LSM2: variants seen among roughly 807,000 people sequenced by gnomAD.
LSM2 encodes the protein U6 snRNA-associated Sm-like protein LSm2.
LSM2 carries 12 observed loss-of-function variants against 17.0 expected under a neutral mutation model. The ratio of observed to expected loss-of-function variants is 0.70; its 90% CI spans 0.45 to 1.14. The LOEUF is 1.14. LSM2 is among the 50% of genes most tolerant of loss of function. The pLI is 0.00. For synonymous variants in LSM2, 42 were observed against 44.5 expected, an observed-to-expected ratio of 0.94 and a Z score of 0.22; for missense variants, 62 against 111.8, an observed-to-expected ratio of 0.55 and a Z score of 2.01.
chr6:31,800,573 C>T (rs895931289), intron 2 of LSM2, among the ~76,000 whole-genome samples: 1 of 151,764 alleles, frequency 6.6e-6, no homozygotes, highest in Non-Finnish European at 1.5e-5. Flanking sequence ...GCCAACACGG[C>T]GAATCCCCAT....
At position 31,797,500 on chromosome 6, in the gene LSM2, GAGA is replaced by G. The variant is rs1258706077; in HGVS notation, c.*254_*256del. 41 of 502,952 alleles carry G rather than the reference GAGA, an allele frequency of 8.2e-5. No individual in the cohort carries two copies. Among genetic ancestry groups the G allele is most frequent in the Admixed American group, 1.7e-4 (5 of 29,276 alleles). The allele number at this position is 502,952 out of a possible 1,614,324, so 31.2% of individuals were successfully genotyped here. On this transcript the variant is annotated 3_prime_UTR_variant, in exon 5 of 5. Coordinates refer to ENST00000375661, the MANE Select transcript of LSM2 (RefSeq NM_021177.5). ...CTAGGAAACTCTCCTACCATCTCCA[GAGA>G]AGTAGTGAGAAAGGCAGGTGCTGGG...
intron 1 of LSM2, 195 bp downstream of exon 1, chr6:31,806,559 GT>G (rs1815049378): frequency 2.5e-6 from 2 of 790,400 alleles, no homozygotes; most frequent in African/African-American, 1.7e-5. Flanking sequence ...CAGGGTTGGG[GT>G]TTTTTCCCTC....
In LSM2 at chr6:31,803,826, C is replaced by T. The variant is rs141619096; in HGVS notation, c.71+2249G>A. On this transcript the variant is annotated intron_variant, in intron 2 of 4. Transcript: ENST00000375661. Reference sequence around the variant, plus strand: ...AAACTCGTGACCTCAGGCATCCACCCGCCTCGACTTCCCAAAGTGCTGGGA... The same window carrying T: ...AAACTCGTGACCTCAGGCATCCACCTGCCTCGACTTCCCAAAGTGCTGGGA... Among the ~76,000 whole-genome samples the T allele has an allele frequency of 3.2e-3, 484 of 152,138 alleles. 3 individuals are homozygous for T. Among genetic ancestry groups the T allele is most frequent in the African/African-American group, 9.7e-3 (404 of 41,532 alleles).
chr6:31,798,115 CTT>C (rs1814492250), intron 3 of LSM2, 66 bp from the exon 4 acceptor site: 4 of 1,365,696 alleles, frequency 2.9e-6, no homozygotes, highest in Non-Finnish European at 1.9e-6. Context: ...GAGTTTTGCT[CTT>C]GTTGCCCAGG....
Position 31,802,560 on chromosome 6 carries a change from G to A in LSM2, c.71+3515C>T, listed in dbSNP as rs1442360149. 6.7e-5 allele frequency among the ~76,000 whole-genome samples: 10 copies of A among 149,248 alleles called. No homozygotes were observed. In the East Asian group the frequency reaches 1.4e-3, roughly 21 times the overall value. ...CAGCACCACTGCACTCCAGCCTGGC[G>A]TAGACTCGACCAGAGCGAGACTCGT... On this transcript the variant is annotated intron_variant, in intron 2 of 4. Coordinates refer to ENST00000375661, the MANE Select transcript of LSM2 (RefSeq NM_021177.5).
At chr6:31,800,752 T>A (rs1039437612) in intron 2 of LSM2, among the ~76,000 whole-genome samples, 3 of 152,052 alleles carry the variant, frequency 2.0e-5, no homozygotes, top group African/African-American at 7.2e-5. Flanking sequence ...CCGGGCATGG[T>A]GGCGGGCACC....
At chr6:31,799,921 T>C (rs1373115817) in intron 2 of LSM2, among the ~76,000 whole-genome samples, 2 of 152,144 alleles carry the variant, frequency 1.3e-5, no homozygotes, top group Admixed American at 1.3e-4. Flanking sequence ...TGGCTGGGAA[T>C]GGTTGTTCAC....
At position 31,797,601 on chromosome 6, in the gene LSM2, A is replaced by T; in HGVS notation, c.*156T>A. On this transcript the variant is annotated 3_prime_UTR_variant, in exon 5 of 5. Coordinates refer to ENST00000375661, the MANE Select transcript of LSM2 (RefSeq NM_021177.5). ...CAAGAGAGGATAGCTGTTCCCTATT[A>T]CTCCTCTCATCCACTCATCCCTTAA... 1.9e-6 allele frequency: 2 copies of T among 1,036,590 alleles called. No individual in the cohort carries two copies. The highest frequency in any genetic ancestry group is 1.5e-5 in the South Asian group (1 of 65,474). The allele number at this position is 1,036,590 out of a possible 1,614,324, so 64.2% of individuals were successfully genotyped here.
Position 31,806,775 on chromosome 6 carries a change from C to T in LSM2, c.-18G>A. The T allele has an allele frequency of 6.2e-7, 1 of 1,609,096 alleles. No individual in the cohort carries two copies. Among genetic ancestry groups the T allele is most frequent in the Non-Finnish European group, 8.5e-7 (1 of 1,178,544 alleles). ...CCCACCATGGTGCTGGCGCCGCGGGCAGCGGGCCGGACCGGGAAGACAGCA... is the reference window on the plus strand; with the variant it reads ...CCCACCATGGTGCTGGCGCCGCGGGTAGCGGGCCGGACCGGGAAGACAGCA... On this transcript the variant is annotated 5_prime_UTR_variant, in exon 1 of 5. Coordinates refer to ENST00000375661, the MANE Select transcript of LSM2 (RefSeq NM_021177.5).
rs1480928110 is a variant in LSM2, at chr6:31,806,965, A to C, written c.-208T>G. On this transcript the variant is annotated 5_prime_UTR_variant, in exon 1 of 5. Transcript: ENST00000375661. ...GCGCAAGCTGGGTAGAGTAGAGGGG[A>C]GGAGGAAGCCGGGAAAGGGGCGGGG... 3.4e-6 allele frequency: 2 copies of C among 590,378 alleles called. No individual in the cohort carries two copies. The highest frequency in any genetic ancestry group is 5.7e-6 in the Non-Finnish European group (2 of 348,638). 36.6% of individuals were successfully genotyped at this position (590,378 alleles called of 1,614,324 possible). A position where few individuals can be genotyped will look rare whatever the true frequency, so the allele number is the denominator to read the frequency against.
At chr6:31,801,170 C>CAAAAAA (rs9281582) in intron 2 of LSM2, among the ~76,000 whole-genome samples, 3 of 53,308 alleles carry the variant, frequency 5.6e-5, no homozygotes, top group Non-Finnish European at 1.2e-4. Flanking sequence ...GGATCTGTCT[C>CAAAAAA]AAAAAAAAAA....
At chr6:31,797,942 G>A (rs1174152144) in intron 4 of LSM2, 48 bp downstream of exon 4, 6 of 1,612,046 alleles carry the variant, frequency 3.7e-6, no homozygotes, top group Non-Finnish European at 5.1e-6. Flanking sequence ...CCACCCAGGG[G>A]CCTCCTGCTT....
chr6:31,798,104 A>G, intron 3 of LSM2, 55 bp from the exon 4 acceptor site: 2 of 1,402,450 alleles, frequency 1.4e-6, no homozygotes, highest in South Asian at 1.5e-5. Context: ...TTTTGAGACA[A>G]GAGTTTTGCT....
At position 31,797,808 on chromosome 6, in the gene LSM2, T is replaced by C. The variant is rs749224140; in HGVS notation, c.237A>G (p.Thr79=). 6.8e-6 allele frequency: 11 copies of C among 1,612,932 alleles called. No homozygotes were observed. The highest frequency in any genetic ancestry group is 8.5e-7 in the Non-Finnish European group (1 of 1,180,040). Residue 79 remains threonine (T), a synonymous_variant, in exon 5 of 5, where the codon ACA becomes ACG. Transcript: ENST00000375661. ...YVQLPADEVD[T]QLLQDAARKE... ...TCCTTGCCGCATCCTGTAGCAACTG[T>C]GTGTCGACCTCATCTGCTGGCAGCT...
chr6:31,802,548 C>G (rs1413459349), intron 2 of LSM2, among the ~76,000 whole-genome samples: 3 of 151,494 alleles, frequency 2.0e-5, no homozygotes, highest in African/African-American at 4.9e-5. Context: ...CACCACTGCA[C>G]TCCAGCCTGG....
chr6:31,806,920 G>T lies in LSM2; in HGVS notation c.-163C>A, dbSNP rs905766754. ...CTCCAAGCGCTGACGGGCAAAGCGCGGCCGACTTGCGGCTGGGGAGCGCAA... is the reference window on the plus strand; with the variant it reads ...CTCCAAGCGCTGACGGGCAAAGCGCTGCCGACTTGCGGCTGGGGAGCGCAA... On this transcript the variant is annotated 5_prime_UTR_variant, in exon 1 of 5. Coordinates refer to ENST00000375661, the MANE Select transcript of LSM2 (RefSeq NM_021177.5). The T allele has an allele frequency of 6.3e-6, 6 of 949,482 alleles. No individual in the cohort carries two copies. Among genetic ancestry groups the T allele is most frequent in the East Asian group, 2.9e-5 (1 of 34,724 alleles). The allele number at this position is 949,482 out of a possible 1,614,324, so 58.8% of individuals were successfully genotyped here. A position where few individuals can be genotyped will look rare whatever the true frequency, so the allele number is the denominator to read the frequency against.
chr6:31,802,162 C>G (rs949271454), intron 2 of LSM2, among the ~76,000 whole-genome samples: 3 of 151,890 alleles, frequency 2.0e-5, no homozygotes, highest in African/African-American at 7.3e-5. Flanking sequence ...CACTTGTAAT[C>G]CCAGCTACTT....
chr6:31,802,637 G>T (rs2151448677), intron 2 of LSM2, among the ~76,000 whole-genome samples: 1 of 151,882 alleles, frequency 6.6e-6, no homozygotes, highest in Admixed American at 6.6e-5. Context: ...CTACGGCCGG[G>T]TGCAGTGGCT....
chr6:31,803,060 T>C (rs1814811129), intron 2 of LSM2, among the ~76,000 whole-genome samples: 2 of 152,190 alleles, frequency 1.3e-5, no homozygotes, highest in South Asian at 4.1e-4. Context: ...AGACTGATAG[T>C]GATTACCGTA....
Sources: gnomAD v4.1 joint callset for allele counts (sites outside exome capture counted in the v4.1 genomes callset) on GRCh38, gnomAD v4.1.1 for gene constraint, MANE v1.5 for transcripts, NCBI Gene and HGNC (gene_info 2026-07-23, HGNC 2026-07-21) for gene names.